ARHGAP15: variants seen among roughly 807,000 people sequenced by gnomAD.
ARHGAP15 encodes rho GTPase-activating protein 15.
A neutral mutation model predicts 63.7 loss-of-function variants in ARHGAP15; 51 were observed. That is an observed-to-expected ratio of 0.80 (90% confidence interval 0.64 to 1.01). The LOEUF (loss-of-function observed/expected upper bound fraction) is 1.01, where lower values mean the gene tolerates loss of function less well. ARHGAP15 is among the 50% of genes least tolerant of loss of function. The pLI is 0.00. For missense variants in ARHGAP15, 560 were observed against 564.6 expected (o/e 0.99, Z 0.08); for synonymous variants, 191 against 193.8 (o/e 0.99, Z 0.12).
At chr2:143,460,580 C>T (rs1438723761) in intron 8 of ARHGAP15, among the ~76,000 whole-genome samples, 1 of 152,078 alleles carries the variant, frequency 6.6e-6, no homozygotes, top group Non-Finnish European at 1.5e-5. Context: ...ATATGAAGCA[C>T]AAATTGTGGT....
intron 12 of ARHGAP15, among the ~76,000 whole-genome samples, chr2:143,669,373 A>C (rs566955183): frequency 6.6e-5 from 10 of 152,352 alleles, no homozygotes; most frequent in African/African-American, 2.4e-4. Context: ...TACCTATACC[A>C]AGATGGAACC....
intron 8 of ARHGAP15, among the ~76,000 whole-genome samples, chr2:143,475,915 C>T (rs1691793905): frequency 6.6e-6 from 1 of 152,152 alleles, no homozygotes; most frequent in Non-Finnish European, 1.5e-5. Flanking sequence ...CTTTAAATTG[C>T]AAGGCATGCT....
chr2:143,452,170 C>A (rs990595601), intron 8 of ARHGAP15, among the ~76,000 whole-genome samples: 4 of 151,994 alleles, frequency 2.6e-5, no homozygotes, highest in Non-Finnish European at 5.9e-5. Context: ...GAATCGTCTG[C>A]TGTTTGCAAT....
Position 143,390,797 on chromosome 2 carries a change from A to T in ARHGAP15, c.475-44804A>T, listed in dbSNP as rs555334762. 2.0e-5 allele frequency among the ~76,000 whole-genome samples: 3 copies of T among 152,172 alleles called. No homozygotes were observed. The South Asian group carries it at 6.2e-4, about 32-fold the overall frequency. On this transcript the variant is annotated intron_variant, in intron 6 of 13. Coordinates refer to ENST00000295095, the MANE Select transcript of ARHGAP15 (RefSeq NM_018460.4). ...AAGAGAGAAATACACTTGCTAAGGT[A>T]CCAACCCAAAGGGAGGGAACAATCC...
intron 6 of ARHGAP15, among the ~76,000 whole-genome samples, chr2:143,400,364 G>C (rs1309932376): frequency 1.3e-5 from 2 of 151,894 alleles, no homozygotes; most frequent in Admixed American, 6.6e-5. Context: ...TTTGTAAATA[G>C]GGTAAAATTC....
intron 13 of ARHGAP15, among the ~76,000 whole-genome samples, chr2:143,751,314 G>T (rs189736732): frequency 1.3e-5 from 2 of 152,258 alleles, no homozygotes; most frequent in Admixed American, 1.3e-4. Flanking sequence ...GGGTGAGGTG[G>T]CTCTCTTCAG....
chr2:143,454,691 A>G (rs1690564501), intron 8 of ARHGAP15, among the ~76,000 whole-genome samples: 1 of 152,096 alleles, frequency 6.6e-6, no homozygotes, highest in Non-Finnish European at 1.5e-5. Context: ...TGGGTGGATT[A>G]ATAATTTTTC....
chr2:143,635,194 C>CTTTTTTTTTTTTTTTTTT (rs10558886), intron 12 of ARHGAP15, among the ~76,000 whole-genome samples: 2 of 26,888 alleles, frequency 7.4e-5, no homozygotes, highest in African/African-American at 1.7e-4. Context: ...CTCTCAGGAG[C>CTTTTTTTTTTTTTTTTTT]TTTTTTTTTT....
At chr2:143,427,429 C>T (rs1689183451) in intron 6 of ARHGAP15, among the ~76,000 whole-genome samples, 1 of 152,146 alleles carries the variant, frequency 6.6e-6, no homozygotes. Context: ...CTTTGCATCA[C>T]TGAGTTTCTC....
chr2:143,589,949 G>T (rs908374200), intron 11 of ARHGAP15, among the ~76,000 whole-genome samples: 6 of 152,202 alleles, frequency 3.9e-5, no homozygotes, highest in African/African-American at 1.4e-4. Flanking sequence ...TGGCAGAAAG[G>T]TGTGGCTTAT....
In ARHGAP15 at chr2:143,168,687, G is replaced by A. The variant is rs1349033912; in HGVS notation, c.165+13032G>A. 2.0e-5 allele frequency among the ~76,000 whole-genome samples: 3 copies of A among 151,898 alleles called. No homozygotes were observed. The East Asian group carries it at 5.8e-4, about 29-fold the overall frequency. On this transcript the variant is annotated intron_variant, in intron 2 of 13. Coordinates refer to ENST00000295095, the MANE Select transcript of ARHGAP15 (RefSeq NM_018460.4). The stretch of plus-strand genomic sequence containing the variant: ...AGACGCTACTTTGTATTTAAGTGAA[G>A]CCGTGCACTTGTAAATCTTATCATA...
chr2:143,532,299 T>A (rs1694554430), intron 10 of ARHGAP15, among the ~76,000 whole-genome samples: 1 of 152,216 alleles, frequency 6.6e-6, no homozygotes, highest in Non-Finnish European at 1.5e-5. Flanking sequence ...AGTTCTTACT[T>A]TTCACACATA....
intron 2 of ARHGAP15, among the ~76,000 whole-genome samples, chr2:143,198,443 C>T (rs1341184996): frequency 6.6e-6 from 1 of 151,752 alleles, no homozygotes; most frequent in South Asian, 2.1e-4. Context: ...CCATAAATTA[C>T]TTATTTAATT....
At chr2:143,470,669 ATG>A (rs373360304) in intron 8 of ARHGAP15, among the ~76,000 whole-genome samples, 1,814 of 131,906 alleles carry the variant, frequency 0.014, 32 homozygotes, top group African/African-American at 0.045. Context: ...ACATGTATAT[ATG>A]TGTGTGTATA....
At chr2:143,133,862 A>T (rs1470438271) in intron 1 of ARHGAP15, among the ~76,000 whole-genome samples, 1 of 152,130 alleles carries the variant, frequency 6.6e-6, no homozygotes, top group Non-Finnish European at 1.5e-5. Context: ...ATGCACATCT[A>T]TGTGTGTATG....
chr2:143,570,356 T>G (rs1457039234), intron 11 of ARHGAP15, among the ~76,000 whole-genome samples: 1 of 152,212 alleles, frequency 6.6e-6, no homozygotes, highest in Non-Finnish European at 1.5e-5. Context: ...CAATTTACAA[T>G]AACCTCATAT....
intron 12 of ARHGAP15, among the ~76,000 whole-genome samples, chr2:143,697,357 G>C (rs907637030): frequency 2.0e-5 from 3 of 152,074 alleles, no homozygotes; most frequent in Non-Finnish European, 2.9e-5. Context: ...GGACTTACAG[G>C]GGACTTACTT....
chr2:143,658,962 G>C (rs977543961), intron 12 of ARHGAP15, among the ~76,000 whole-genome samples: 2 of 152,106 alleles, frequency 1.3e-5, no homozygotes, highest in Non-Finnish European at 1.5e-5. Flanking sequence ...ATTCTCTTTA[G>C]AAAGAGAAGG....
chr2:143,303,696 G>T (rs550218712), intron 6 of ARHGAP15, among the ~76,000 whole-genome samples: 4 of 152,026 alleles, frequency 2.6e-5, no homozygotes, highest in African/African-American at 2.4e-5. Flanking sequence ...GGGAGAAAAT[G>T]TTTGCAATCT....
Sources: allele counts gnomAD v4.1 joint callset (sites outside exome capture counted in the v4.1 genomes callset), GRCh38; gene constraint gnomAD v4.1.1; transcripts MANE v1.5; gene names NCBI Gene and HGNC (gene_info 2026-07-23, HGNC 2026-07-21).